The following TSC22D3 variants were observed in gnomAD, a reference collection of about 807,000 sequenced individuals.
TSC22D3 encodes the protein TSC22 domain family member 3, also known as TSC22 domain family protein 3.
TSC22D3 carries 4 observed loss-of-function variants against 11.1 expected under a neutral mutation model. The ratio of observed to expected loss-of-function variants is 0.36; its 90% CI spans 0.18 to 0.83. The LOEUF (loss-of-function observed/expected upper bound fraction) is 0.83. Among genes scored for constraint, TSC22D3 ranks in the 40% least tolerant of loss-of-function variants. The probability of loss-of-function intolerance (pLI) is 0.48; values close to 1 mark genes in which losing one functional copy is unlikely to be tolerated. For missense variants in TSC22D3, 118 were observed against 159.4 expected, an observed-to-expected ratio of 0.74 and a Z score of 1.40; for synonymous variants, 77 against 70.3, an observed-to-expected ratio of 1.10 and a Z score of -0.48.
At chrX:107,751,755 A>G (rs1928944567) in intron 1 of TSC22D3, among the ~76,000 whole-genome samples, 1 of 111,964 alleles carries the variant, frequency 8.9e-6, no homozygotes, top group Non-Finnish European at 1.9e-5. Flanking sequence ...CCCTCTACTT[A>G]AGTCAACCAG....
intron 2 of TSC22D3, 63 bp from the exon 3 acceptor site, chrX:107,714,812 T>TGC: frequency 9.3e-7 from 1 of 1,073,447 alleles, no homozygotes. Context: ...TGCAGCACCT[T>TGC]TGCTCTGTCA....
intron 1 of TSC22D3, among the ~76,000 whole-genome samples, chrX:107,774,694 C>G (rs1384613485): frequency 8.9e-6 from 1 of 112,074 alleles, no homozygotes; most frequent in African/African-American, 3.2e-5. Flanking sequence ...CTTGTAGTTT[C>G]AATCTGATTT....
chrX:107,736,753 TGA>T (rs1199751078), intron 1 of TSC22D3, among the ~76,000 whole-genome samples: 11 of 111,100 alleles, frequency 9.9e-5, no homozygotes. Flanking sequence ...CAGCAAGATC[TGA>T]GAGTGCTTGG....
chrX:107,748,782 G>A (rs970808855), intron 1 of TSC22D3, among the ~76,000 whole-genome samples: 2 of 112,230 alleles, frequency 1.8e-5, no homozygotes, highest in Non-Finnish European at 3.8e-5. Context: ...AAATAAGATA[G>A]AGTCTGTGAA....
At position 107,714,561 on chromosome X, in the gene TSC22D3, T is replaced by A. The variant is rs1926907499; in HGVS notation, c.561A>T (p.Glu187Asp). The change falls in exon 3 of 3, where the codon GAA becomes GAT. Residue 187 changes from glutamate (E) to aspartate (D), a missense_variant. Coordinates refer to ENST00000372383, the MANE Select transcript of TSC22D3 (RefSeq NM_198057.3). Reference sequence around the variant, plus strand: ...CAGGGGCCTCGGGCACTTGTGGGGATTCGGGAGCTGGCTCTTCAGGGCTCA... The same window carrying A: ...CAGGGGCCTCGGGCACTTGTGGGGAATCGGGAGCTGGCTCTTCAGGGCTCA... ...SCLSPEEPAP[E>D]SPQVPEAPGG... is the part of the protein sequence containing the mutation. The A allele has an allele frequency of 1.7e-6, 2 of 1,211,389 alleles. No individual in the cohort carries two copies. Among genetic ancestry groups the A allele is most frequent in the Non-Finnish European group, 2.2e-6 (2 of 895,376 alleles).
intron 1 of TSC22D3, among the ~76,000 whole-genome samples, chrX:107,720,983 A>G (rs1380415251): frequency 1.8e-5 from 2 of 111,603 alleles, no homozygotes; most frequent in Non-Finnish European, 3.8e-5. Flanking sequence ...TAGGCATTCA[A>G]TGGCCCAGCT....
Position 107,730,524 on chromosome X carries a change from C to A in TSC22D3, c.321-14574G>T, listed in dbSNP as rs141732096. Among the ~76,000 whole-genome samples, 1,045 of 111,526 alleles carry A rather than the reference C, an allele frequency of 9.4e-3. 21 individuals carry two copies. The highest frequency in any genetic ancestry group is 0.032 in the African/African-American group (980 of 30,617). The stretch of plus-strand genomic sequence containing the variant: ...TAATTCCCTGGAAGAGTAAGCCCCC[C>A]CGGAATGCCAGGATGGGATGGGTCA... On this transcript the variant is annotated intron_variant, in intron 1 of 2. Coordinates refer to ENST00000372383, the MANE Select transcript of TSC22D3 (RefSeq NM_198057.3).
At chrX:107,736,643 G>A (rs1221535165) in intron 1 of TSC22D3, among the ~76,000 whole-genome samples, 2 of 111,318 alleles carry the variant, frequency 1.8e-5, no homozygotes, top group African/African-American at 6.5e-5. Context: ...CAAGTCACCA[G>A]CTCCTAGTTC....
Position 107,742,364 on chromosome X carries a change from G to C in TSC22D3, c.321-26414C>G, listed in dbSNP as rs187869007. Among the ~76,000 whole-genome samples the C allele has an allele frequency of 4.4e-3, 434 of 99,348 alleles. 5 individuals are homozygous for C. The highest frequency in any genetic ancestry group is 0.015 in the African/African-American group (399 of 27,259). The allele number at this position is 99,348 out of a possible 115,157, so 86.3% of individuals were successfully genotyped here. The stretch of plus-strand genomic sequence containing the variant: ...GGTGTTTAGGAAGGGGGGAGGGAGC[G>C]GGGGAGGGAGGGAGAGAGAGAGAAA... On this transcript the variant is annotated intron_variant, in intron 1 of 2. Transcript: ENST00000372383.
intron 1 of TSC22D3, among the ~76,000 whole-genome samples, chrX:107,733,662 T>C (rs1209153476): frequency 9.0e-6 from 1 of 111,686 alleles, no homozygotes; most frequent in Admixed American, 9.5e-5. Context: ...GAACCCGTTT[T>C]CCCAGCCCTG....
chrX:107,726,096 G>C (rs991151350), intron 1 of TSC22D3, among the ~76,000 whole-genome samples: 1 of 110,372 alleles, frequency 9.1e-6, no homozygotes, highest in Non-Finnish European at 1.9e-5. Flanking sequence ...CCTGATCCAA[G>C]CCTGGAACTC....
chrX:107,775,486 G>T lies in TSC22D3; in HGVS notation c.-67C>A. The T allele has an allele frequency of 1.0e-6, 1 of 957,630 alleles. No homozygotes were observed. The highest frequency in any genetic ancestry group is 1.4e-6 in the Non-Finnish European group (1 of 706,387). 78.9% of individuals were successfully genotyped at this position (957,630 alleles called of 1,213,427 possible). On this transcript the variant is annotated 5_prime_UTR_variant, in exon 1 of 3. Coordinates refer to ENST00000372383, the MANE Select transcript of TSC22D3 (RefSeq NM_198057.3). ...CGGCTGGCAGGTGCGCGCCCACCGA[G>T]CTGGCCTGAGGGGACTCCAGGGTGC...
At chrX:107,734,878 TAAA>T (rs781386272) in intron 1 of TSC22D3, among the ~76,000 whole-genome samples, 622 of 37,258 alleles carry the variant, frequency 0.017, 19 homozygotes, top group African/African-American at 0.082. Flanking sequence ...CAACTCTACG[TAAA>T]AAAAAAAAAA....
chrX:107,736,768 C>T (rs1022546198), intron 1 of TSC22D3, among the ~76,000 whole-genome samples: 5 of 111,026 alleles, frequency 4.5e-5, no homozygotes, highest in African/African-American at 1.6e-4. Flanking sequence ...GTGCTTGGGC[C>T]CAGGGTCACA....
intron 1 of TSC22D3, among the ~76,000 whole-genome samples, chrX:107,731,136 G>C (rs970402024): frequency 3.6e-5 from 4 of 112,388 alleles, no homozygotes; most frequent in Non-Finnish European, 5.6e-5. Context: ...CGTGGGGGAT[G>C]GTAGGGAAAG....
intron 1 of TSC22D3, among the ~76,000 whole-genome samples, chrX:107,730,907 C>T (rs1007989125): frequency 2.7e-5 from 3 of 111,614 alleles, no homozygotes; most frequent in African/African-American, 9.8e-5. Flanking sequence ...TTCAGGGGTG[C>T]AGTAGGGGAC....
chrX:107,764,688 G>A (rs1019514739), intron 1 of TSC22D3, among the ~76,000 whole-genome samples: 3 of 111,284 alleles, frequency 2.7e-5, no homozygotes, highest in African/African-American at 6.5e-5. Flanking sequence ...ATATATTCTC[G>A]TGGTAGCACC....
intron 1 of TSC22D3, among the ~76,000 whole-genome samples, chrX:107,746,613 G>A (rs1363015908): frequency 1.8e-5 from 2 of 111,602 alleles, no homozygotes; most frequent in Non-Finnish European, 3.8e-5. Context: ...ACACAGGTAG[G>A]CCCCCATAAG....
At position 107,713,827 on chromosome X, in the gene TSC22D3, T is replaced by A. The variant is rs1356423525; in HGVS notation, c.*692A>T. 8.9e-6 allele frequency: 1 copy of A among 112,966 alleles called. No individual in the cohort carries two copies. The highest frequency in any genetic ancestry group is 1.9e-5 in the Non-Finnish European group (1 of 53,312). The allele number at this position is 112,966 out of a possible 1,213,427, so 9.3% of individuals were successfully genotyped here. On this transcript the variant is annotated 3_prime_UTR_variant, in exon 3 of 3. Transcript: ENST00000372383. Reference sequence around the variant, plus strand: ...TTCAACATGTAGGTGGATGTGTATATGTATACATCGCTACACTAAGATACA... The same window carrying A: ...TTCAACATGTAGGTGGATGTGTATAAGTATACATCGCTACACTAAGATACA...
Sources: allele counts gnomAD v4.1 joint callset (sites outside exome capture counted in the v4.1 genomes callset), GRCh38; gene constraint gnomAD v4.1.1; transcripts MANE v1.5; gene names NCBI Gene and HGNC (gene_info 2026-07-23, HGNC 2026-07-21).